The following FADS2 variants were observed in gnomAD, a reference collection of about 807,000 sequenced individuals.
FADS2 encodes fatty acid desaturase 2.
In FADS2, 18 loss-of-function variants were observed where a neutral mutation model predicts 61.2. That is an observed-to-expected ratio of 0.29 (90% CI 0.20 to 0.44). The LOEUF is 0.44. FADS2 is among the 20% of genes least tolerant of loss of function. The probability of loss-of-function intolerance (pLI) is 1.00; values close to 1 mark genes in which losing one functional copy is unlikely to be tolerated. For synonymous variants in FADS2, 203 were observed against 223.9 expected, an observed-to-expected ratio of 0.91 and a Z score of 0.83; for missense variants, 322 against 572.7, an observed-to-expected ratio of 0.56 and a Z score of 4.47.
intron 2 of FADS2, among the ~76,000 whole-genome samples, chr11:61,838,722 C>T (rs1361839530): frequency 3.3e-5 from 5 of 152,268 alleles, no homozygotes; most frequent in Admixed American, 1.3e-4. Flanking sequence ...AATGCCCCTC[C>T]TCTCACCTTG....
chr11:61,854,308 T>G (rs574890640), intron 5 of FADS2: 2 of 152,392 alleles, frequency 1.3e-5, no homozygotes, highest in African/African-American at 4.8e-5. Flanking sequence ...GACCGGGCAC[T>G]GTGATGGGCA....
upstream of FADS2, among the ~76,000 whole-genome samples, chr11:61,825,720 G>A (rs1054796583): frequency 1.6e-4 from 24 of 151,344 alleles, no homozygotes; most frequent in Admixed American, 2.6e-4. Flanking sequence ...GTGAAACCCC[G>A]TCTCTACTAA....
intron 4 of FADS2, among the ~76,000 whole-genome samples, chr11:61,843,336 C>T (rs1288247221): frequency 2.0e-5 from 3 of 152,096 alleles, no homozygotes; most frequent in Non-Finnish European, 2.9e-5. Flanking sequence ...AGGCTGAGGC[C>T]GGAGGATGGC....
intron 5 of FADS2, 69 bp downstream of exon 5, chr11:61,848,353 CA>C: frequency 6.2e-7 from 1 of 1,600,754 alleles, no homozygotes; most frequent in Non-Finnish European, 8.5e-7. Context: ...CATCGAGGTA[CA>C]ACTAAGGAGA....
intron 1 of FADS2, among the ~76,000 whole-genome samples, chr11:61,836,644 C>T (rs952984318): frequency 1.5e-4 from 23 of 152,376 alleles, no homozygotes; most frequent in African/African-American, 4.6e-4. Flanking sequence ...GCTGGGATTA[C>T]AGGCATGAGC....
chr11:61,865,522 CT>C lies in FADS2; in HGVS notation c.1284-115del, dbSNP rs1194601778. ...ACAGGCCCAGTGGCAGTGGTAAGCC[CT>C]GGTTAGGGCCAAGGGGACATACATG... On this transcript the variant is annotated intron_variant, in intron 11 of 11. Transcript: ENST00000278840. The surrounding 1 kb of genome is among the most constrained non-coding windows in gnomAD (Gnocchi z 4.1). 5 of 1,072,654 alleles carry C rather than the reference CT, an allele frequency of 4.7e-6. No homozygotes were observed. Among genetic ancestry groups the C allele is most frequent in the Non-Finnish European group, 6.9e-6 (5 of 720,918 alleles). The allele number at this position is 1,072,654 out of a possible 1,614,324, so 66.4% of individuals were successfully genotyped here. A position where few individuals can be genotyped will look rare whatever the true frequency, so the allele number is the denominator to read the frequency against.
intron 1 of FADS2, among the ~76,000 whole-genome samples, chr11:61,819,002 C>T (rs1419359982): frequency 6.6e-6 from 1 of 151,968 alleles, no homozygotes; most frequent in Non-Finnish European, 1.5e-5. Context: ...TCCCAAGTAG[C>T]TGGGACTACA....
chr11:61,846,420 T>C (rs970611126), intron 4 of FADS2, among the ~76,000 whole-genome samples: 2 of 136,352 alleles, frequency 1.5e-5, no homozygotes, highest in African/African-American at 5.6e-5. Flanking sequence ...TTTTTTTTTT[T>C]TTTCTCTCTC....
intron 4 of FADS2, chr11:61,846,579 G>A (rs1419151170): frequency 6.6e-6 from 1 of 152,070 alleles, no homozygotes; most frequent in African/African-American, 2.4e-5. Flanking sequence ...TAAAATGTTT[G>A]TTTAGCAAAT....
chr11:61,828,755 A>G lies in FADS2; in HGVS notation c.207+158A>G, dbSNP rs916900546. The G allele has an allele frequency of 2.2e-5, 14 of 637,054 alleles. No homozygotes were observed. Among genetic ancestry groups the G allele is most frequent in the East Asian group, 1.4e-4 (5 of 34,506 alleles). The allele number at this position is 637,054 out of a possible 1,614,324, so 39.5% of individuals were successfully genotyped here. On this transcript the variant is annotated intron_variant, in intron 1 of 11. Coordinates refer to ENST00000278840, the MANE Select transcript of FADS2 (RefSeq NM_004265.4). This position sits in a 1 kb window ranked among gnomAD's most constrained non-coding sequence, Gnocchi z 6.4. ...CTATTGCACTCGTACCCCCTCCCCA[A>G]TCCTCCTCCTCCTCTGGGCCGACTG...
In FADS2 at chr11:61,816,887, C is replaced by T. The variant is rs1565322983; in HGVS notation, c.141+461C>T. 3 of 1,459,104 alleles carry T rather than the reference C, an allele frequency of 2.1e-6. No homozygotes were observed. The highest frequency in any genetic ancestry group is 2.7e-6 in the Non-Finnish European group (3 of 1,116,170). The allele number at this position is 1,459,104 out of a possible 1,614,324, so 90.4% of individuals were successfully genotyped here. On this transcript the variant is annotated intron_variant, in intron 1 of 11. Coordinates refer to the FADS2 transcript ENST00000257261. This position sits in a 1 kb window ranked among gnomAD's most constrained non-coding sequence, Gnocchi z 7.0. Reference sequence around the variant, plus strand: ...AGCCGCCTGCGCGCCGGGTTTTCAGCACCGCAGGGCAGACCGGCGGGCCTC... The same window carrying T: ...AGCCGCCTGCGCGCCGGGTTTTCAGTACCGCAGGGCAGACCGGCGGGCCTC...
chr11:61,860,207 C>A (rs2067401299), intron 7 of FADS2, among the ~76,000 whole-genome samples: 2 of 152,360 alleles, frequency 1.3e-5, no homozygotes, highest in South Asian at 4.1e-4. Flanking sequence ...GGCGTCTAGC[C>A]AGGATGGTGC....
At chr11:61,841,715 A>G (rs904151993) in intron 4 of FADS2, among the ~76,000 whole-genome samples, 1 of 152,080 alleles carries the variant, frequency 6.6e-6, no homozygotes, top group Non-Finnish European at 1.5e-5. Flanking sequence ...TCCGTTATAT[A>G]TGAGTCTTTT....
chr11:61,861,972 A>T (rs2067421326), intron 7 of FADS2: 1 of 152,228 alleles, frequency 6.6e-6, no homozygotes, highest in Non-Finnish European at 1.5e-5. Context: ...CTTGTTCTTC[A>T]GTCGTTTGAA....
At chr11:61,829,816 C>T (rs1027179300) in intron 1 of FADS2, among the ~76,000 whole-genome samples, 7 of 152,118 alleles carry the variant, frequency 4.6e-5, no homozygotes, top group Non-Finnish European at 4.4e-5. Context: ...GTAGGCCCGA[C>T]CCTTAACTTC....
At position 61,865,512 on chromosome 11, in the gene FADS2, G is replaced by A. The variant is rs1184826104; in HGVS notation, c.1284-126G>A. 1.0e-6 allele frequency: 1 copy of A among 995,758 alleles called. No individual in the cohort carries two copies. The highest frequency in any genetic ancestry group is 1.5e-6 in the Non-Finnish European group (1 of 658,630). The allele number at this position is 995,758 out of a possible 1,614,324, so 61.7% of individuals were successfully genotyped here. A position where few individuals can be genotyped will look rare whatever the true frequency, so the allele number is the denominator to read the frequency against. On this transcript the variant is annotated intron_variant, in intron 11 of 11. Transcript: ENST00000278840. The surrounding 1 kb of genome is among the most constrained non-coding windows in gnomAD (Gnocchi z 4.1). ...TGACAGCCCCACAGGCCCAGTGGCA[G>A]TGGTAAGCCCTGGTTAGGGCCAAGG...
At position 61,863,300 on chromosome 11, in the gene FADS2, G is replaced by T; in HGVS notation, c.999G>T (p.Trp333Cys). ...CTTGCAGGTTCCTGGAGAGCCACTGGTTTGTGTGGGTCACACAGATGAATC... is the reference window on the plus strand; with the variant it reads ...CTTGCAGGTTCCTGGAGAGCCACTGTTTTGTGTGGGTCACACAGATGAATC... ...LNFIRFLESH[W>C]FVWVTQMNHI... Residue 333 changes from tryptophan (W) to cysteine (C), a missense_variant, in exon 9 of 12, where the codon TGG becomes TGT. Around this residue, in one of 3 missense-constraint regions of FADS2, gnomAD observed 221 missense variants for 427.9 expected, o/e 0.52. Transcript: ENST00000278840. 1 of 1,613,872 alleles carries T rather than the reference G, an allele frequency of 6.2e-7. No individual in the cohort carries two copies.
intron 9 of FADS2, 94 bp downstream of exon 9, chr11:61,863,472 G>T: frequency 1.0e-6 from 1 of 984,502 alleles, no homozygotes; most frequent in Non-Finnish European, 1.6e-6. Context: ...GCTGTGCTGG[G>T]CCTCCCGGGG....
At chr11:61,846,518 C>T (rs1390859097) in intron 4 of FADS2, 1 of 152,028 alleles carries the variant, frequency 6.6e-6, no homozygotes, top group African/African-American at 2.4e-5. Context: ...GCTGTTCCCA[C>T]CCATGGCTAT....
Sources: gnomAD v4.1 joint callset for allele counts (sites outside exome capture counted in the v4.1 genomes callset) on GRCh38, gnomAD v4.1.1 for gene constraint, gnomAD v4.1.1 regional missense constraint, Gnocchi (gnomAD v3.1) non-coding constraint, MANE v1.5 for transcripts, NCBI Gene and HGNC (gene_info 2026-07-23, HGNC 2026-07-21) for gene names.